The following PHF14 variants were observed in gnomAD, a reference collection of about 807,000 sequenced individuals.
PHF14 encodes the protein PHD finger protein 14.
A neutral mutation model predicts 117.9 loss-of-function variants in PHF14; 55 were observed. That is an observed-to-expected ratio of 0.47 (90% CI 0.38 to 0.58). The LOEUF is 0.58. Among genes scored for constraint, PHF14 ranks in the 20% least tolerant of loss-of-function variants. PHF14 has a pLI of 0.00. For synonymous variants in PHF14, 409 were observed against 368.6 expected, an observed-to-expected ratio of 1.11 and a Z score of -1.26; for missense variants, 978 against 1,122.2, an observed-to-expected ratio of 0.87 and a Z score of 1.84.
At chr7:11,097,975 A>G (rs1347773059) in intron 16 of PHF14, among the ~76,000 whole-genome samples, 2 of 152,044 alleles carry the variant, frequency 1.3e-5, no homozygotes, top group Non-Finnish European at 2.9e-5. Flanking sequence ...GAAGCTATAT[A>G]TTACCTGATT....
chr7:11,144,613 ATATAAT>A (rs1788496545), intron 17 of PHF14, among the ~76,000 whole-genome samples: 1 of 148,522 alleles, frequency 6.7e-6, no homozygotes, highest in Non-Finnish European at 1.5e-5. Flanking sequence ...ATATAATAAT[ATATAAT>A]TATATTTACT....
intron 4 of PHF14, among the ~76,000 whole-genome samples, chr7:10,992,175 T>C (rs1239841180): frequency 6.6e-6 from 1 of 151,420 alleles, no homozygotes; most frequent in African/African-American, 2.4e-5. Flanking sequence ...TGCCTCAGCC[T>C]CCCGAGTAGC....
At chr7:11,042,627 A>C in intron 12 of PHF14, 56 bp from the exon 13 acceptor site, 1 of 1,236,426 alleles carries the variant, frequency 8.1e-7, no homozygotes, top group Non-Finnish European at 1.1e-6. Flanking sequence ...CTATAAGTAA[A>C]CTGTTTCACT....
At position 11,001,979 on chromosome 7, in the gene PHF14, G is replaced by C. The variant is rs143531289; in HGVS notation, c.1045+11132G>C. ...ATCGTTAAGTATGATGTTAGCTATA[G>C]GTTTTTTTTGTAGTTTCTTTATGCT... On this transcript the variant is annotated intron_variant, in intron 4 of 17. Transcript: ENST00000634607. 5.3e-3 allele frequency among the ~76,000 whole-genome samples: 804 copies of C among 151,982 alleles called. 5 individuals carry two copies. The highest frequency in any genetic ancestry group is 0.018 in the African/African-American group (765 of 41,480).
At chr7:11,062,273 A>G in intron 16 of PHF14, 188 bp downstream of exon 16, 1 of 414,752 alleles carries the variant, frequency 2.4e-6, no homozygotes, top group Non-Finnish European at 4.2e-6. Flanking sequence ...CTCTGGATTT[A>G]AATGTAAATA....
At chr7:11,054,294 G>A in intron 14 of PHF14, among the ~76,000 whole-genome samples, 1 of 151,978 alleles carries the variant, frequency 6.6e-6, no homozygotes, top group East Asian at 1.9e-4. Flanking sequence ...TAGAATTTAG[G>A]GGTTTGACTA....
intron 16 of PHF14, chr7:11,102,927 T>C: frequency 1.9e-6 from 2 of 1,051,628 alleles, no homozygotes; most frequent in Non-Finnish European, 2.3e-6. Context: ...TACTGAAGCC[T>C]GTGGGACTTA....
At chr7:11,077,335 G>T (rs1184679924) in intron 16 of PHF14, among the ~76,000 whole-genome samples, 1 of 151,456 alleles carries the variant, frequency 6.6e-6, no homozygotes, top group Non-Finnish European at 1.5e-5. Flanking sequence ...GGCGCAGTGG[G>T]GCTCATGCCT....
intron 7 of PHF14, among the ~76,000 whole-genome samples, chr7:11,031,055 C>T (rs995390812): frequency 8.5e-5 from 13 of 152,204 alleles, no homozygotes; most frequent in South Asian, 2.1e-4. Flanking sequence ...ACATTTTAAA[C>T]TAAAATAGAT....
At chr7:11,114,319 C>T (rs1174705370) in intron 17 of PHF14, among the ~76,000 whole-genome samples, 1 of 151,986 alleles carries the variant, frequency 6.6e-6, no homozygotes, top group Non-Finnish European at 1.5e-5. Context: ...CCAGGGGAAA[C>T]TCTAAAATAT....
intron 16 of PHF14, among the ~76,000 whole-genome samples, chr7:11,066,043 G>A (rs190343363): frequency 5.9e-5 from 9 of 152,160 alleles, no homozygotes; most frequent in East Asian, 3.9e-4. Context: ...TTGAGTATAT[G>A]GCAAATTACA....
intron 17 of PHF14, among the ~76,000 whole-genome samples, chr7:11,111,749 C>T (rs1369358851): frequency 6.6e-6 from 1 of 151,958 alleles, no homozygotes; most frequent in African/African-American, 2.4e-5. Flanking sequence ...CCAAACAGAT[C>T]ACTCTCTGCT....
rs191585898 is a variant in PHF14, at chr7:11,097,101, T to C, written c.2655-14249T>C. Among the ~76,000 whole-genome samples, 53 of 148,476 alleles carry C rather than the reference T, an allele frequency of 3.6e-4. No individual in the cohort carries two copies. In the East Asian group the frequency reaches 0.011, roughly 31 times the overall value. On this transcript the variant is annotated intron_variant, in intron 16 of 17. Coordinates refer to ENST00000634607, the MANE Select transcript of PHF14 (RefSeq NM_001007157.2). ...TTCAGGTGATTCTCGTGCCTCAGCC[T>C]CCCAAGTAGCTGGGATTACAGGCAT...
intron 2 of PHF14, among the ~76,000 whole-genome samples, chr7:10,978,013 G>A (rs891505639): frequency 6.6e-6 from 1 of 152,164 alleles, no homozygotes; most frequent in East Asian, 1.9e-4. Flanking sequence ...GATTAGCCAT[G>A]CTCTCTACCC....
chr7:11,103,558 G>A lies in PHF14; in HGVS notation c.2655-7792G>A, dbSNP rs886443117. 9.1e-6 allele frequency: 9 copies of A among 984,788 alleles called. No individual in the cohort carries two copies. The African/African-American group carries it at 1.6e-4, about 17-fold the overall frequency. The allele number at this position is 984,788 out of a possible 1,614,324, so 61.0% of individuals were successfully genotyped here. On this transcript the variant is annotated intron_variant, in intron 16 of 17. Coordinates refer to ENST00000634607, the MANE Select transcript of PHF14 (RefSeq NM_001007157.2). ...CATCACTCAATCTTGAACTGATTTA[G>A]AAGAGACTCTTTGCTGAAATTGAAT... is the stretch of plus-strand genomic sequence containing the variant.
At chr7:11,025,746 G>C (rs1385526180) in intron 6 of PHF14, among the ~76,000 whole-genome samples, 1 of 152,070 alleles carries the variant, frequency 6.6e-6, no homozygotes, top group African/African-American at 2.4e-5. Context: ...AGTGAGCCGA[G>C]ATCGTGCCAT....
intron 11 of PHF14, 82 bp downstream of exon 11, chr7:11,038,937 C>G (rs1784409775): frequency 3.5e-6 from 2 of 567,272 alleles, no homozygotes; most frequent in Admixed American, 3.1e-5. Flanking sequence ...ATACAACTGT[C>G]ATTTGACTAA....
At chr7:11,089,460 G>T (rs1035526036) in intron 16 of PHF14, among the ~76,000 whole-genome samples, 1 of 152,166 alleles carries the variant, frequency 6.6e-6, no homozygotes, top group African/African-American at 2.4e-5. Context: ...GGAGGCAGAG[G>T]TGGGAGGATG....
Position 10,988,819 on chromosome 7 carries a change from C to A in PHF14, c.901-1884C>A, listed in dbSNP as rs551763754. ...CATATATTGTTAATTCTTATAACCT[C>A]CTGAAGTAGATATTATTTTTATCGC... On this transcript the variant is annotated intron_variant, in intron 3 of 17. Coordinates refer to ENST00000634607, the MANE Select transcript of PHF14 (RefSeq NM_001007157.2). Among the ~76,000 whole-genome samples, 534 of 152,144 alleles carry A rather than the reference C, an allele frequency of 3.5e-3. 2 individuals are homozygous for A. Among genetic ancestry groups the A allele is most frequent in the African/African-American group, 0.012 (517 of 41,500 alleles).
Sources: allele counts gnomAD v4.1 joint callset (sites outside exome capture counted in the v4.1 genomes callset), GRCh38; gene constraint gnomAD v4.1.1; transcripts MANE v1.5; gene names NCBI Gene and HGNC (gene_info 2026-07-23, HGNC 2026-07-21).